FHIT: variants seen among roughly 807,000 people sequenced by gnomAD.
The protein encoded by FHIT is bis(5'-adenosyl)-triphosphatase.
Under a neutral mutation model 17.9 loss-of-function variants are expected in FHIT, and 19 were observed. That is an observed-to-expected ratio of 1.06 (90% CI 0.74 to 1.56). The LOEUF (loss-of-function observed/expected upper bound fraction) is 1.56. Ranked by LOEUF, FHIT falls within the 40% of genes most tolerant of loss-of-function variation. FHIT has a pLI of 0.00. For missense variants in FHIT, 248 were observed against 189.2 expected (o/e 1.31, Z -1.82); for synonymous variants, 81 against 69.7 (o/e 1.16, Z -0.81).
At chr3:59,774,516 T>C (rs549972483) in intron 8 of FHIT, among the ~76,000 whole-genome samples, 2 of 152,230 alleles carry the variant, frequency 1.3e-5, no homozygotes, top group Non-Finnish European at 2.9e-5. Context: ...ACAGAGTTGT[T>C]ATGAAGATTA....
At chr3:61,212,715 T>C (rs891642438) in intron 1 of FHIT, among the ~76,000 whole-genome samples, 2 of 151,990 alleles carry the variant, frequency 1.3e-5, no homozygotes, top group African/African-American at 4.8e-5. Context: ...TTCACCAAAG[T>C]TGAAATGAAG....
intron 3 of FHIT, among the ~76,000 whole-genome samples, chr3:60,917,906 GA>G (rs1553767417): frequency 6.6e-6 from 1 of 152,154 alleles, no homozygotes; most frequent in African/African-American, 2.4e-5. Context: ...CAACCAGACA[GA>G]AAAACATACT....
At chr3:60,458,658 T>C (rs1392521028) in intron 5 of FHIT, among the ~76,000 whole-genome samples, 2 of 152,138 alleles carry the variant, frequency 1.3e-5, no homozygotes, top group African/African-American at 4.8e-5. Context: ...CTTTAGGTTT[T>C]TATGCCCATC....
In FHIT at chr3:60,433,853, C is replaced by T. The variant is rs566774899; in HGVS notation, c.103+103007G>A. Among the ~76,000 whole-genome samples the T allele has an allele frequency of 7.4e-4, 112 of 151,888 alleles. No individual in the cohort carries two copies. The Middle Eastern group carries it at 0.014, about 18-fold the overall frequency. On this transcript the variant is annotated intron_variant, in intron 5 of 9. Transcript: ENST00000492590. ...ATCAGATGTATGGTTCATTTTTTCT[C>T]CTATTCCATAGGTGGCTTTTCCACT... is the stretch of plus-strand genomic sequence containing the variant.
intron 8 of FHIT, among the ~76,000 whole-genome samples, chr3:59,852,579 C>T (rs966118274): frequency 1.3e-5 from 2 of 152,114 alleles, no homozygotes; most frequent in Non-Finnish European, 2.9e-5. Flanking sequence ...GTTGTACATT[C>T]TATGGGTTTG....
At chr3:59,784,060 T>G (rs999850503) in intron 8 of FHIT, among the ~76,000 whole-genome samples, 1 of 152,176 alleles carries the variant, frequency 6.6e-6, no homozygotes, top group African/African-American at 2.4e-5. Context: ...GTGCAACGCT[T>G]CAGGATTCTT....
intron 1 of FHIT, among the ~76,000 whole-genome samples, chr3:61,212,540 AGT>A (rs2039517279): frequency 6.6e-6 from 1 of 152,258 alleles, no homozygotes; most frequent in African/African-American, 2.4e-5. Flanking sequence ...TGTACCTGAA[AGT>A]GATGGGGAGA....
intron 5 of FHIT, among the ~76,000 whole-genome samples, chr3:60,304,684 T>C (rs1365688948): frequency 6.6e-6 from 1 of 152,110 alleles, no homozygotes; most frequent in Non-Finnish European, 1.5e-5. Flanking sequence ...GACATACTTA[T>C]TCTAAACTGT....
chr3:60,859,174 G>A (rs1393092796), intron 3 of FHIT, among the ~76,000 whole-genome samples: 2 of 152,056 alleles, frequency 1.3e-5, no homozygotes, highest in East Asian at 1.9e-4. Context: ...TAGGAGTATC[G>A]AATAGTGGTT....
chr3:60,657,596 A>G (rs1186039016), intron 4 of FHIT, among the ~76,000 whole-genome samples: 1 of 152,172 alleles, frequency 6.6e-6, no homozygotes, highest in African/African-American at 2.4e-5. Context: ...AAGTACTGCT[A>G]TTGACCAAGA....
intron 4 of FHIT, among the ~76,000 whole-genome samples, chr3:60,633,950 G>C (rs918277237): frequency 6.6e-6 from 1 of 152,202 alleles, no homozygotes; most frequent in Non-Finnish European, 1.5e-5. Flanking sequence ...CATAGCATAT[G>C]ATTTCTTCAT....
At chr3:60,095,677 G>C (rs570819273) in intron 5 of FHIT, among the ~76,000 whole-genome samples, 1 of 152,176 alleles carries the variant, frequency 6.6e-6, no homozygotes, top group African/African-American at 2.4e-5. Context: ...TGTTTTTCTA[G>C]ATAATCGGCC....
At chr3:61,067,585 A>T (rs2034655784) in intron 2 of FHIT, among the ~76,000 whole-genome samples, 1 of 152,178 alleles carries the variant, frequency 6.6e-6, no homozygotes, top group Non-Finnish European at 1.5e-5. Flanking sequence ...CCCAGTCTCC[A>T]GTCCCCCCAG....
intron 4 of FHIT, among the ~76,000 whole-genome samples, chr3:60,744,269 A>AAAAAAAAAAAC (rs2042306569): frequency 4.4e-4 from 7 of 16,044 alleles, no homozygotes; most frequent in African/African-American, 7.1e-4. Flanking sequence ...AAAACAAAAC[A>AAAAAAAAAAAC]AAAAAAAAAA....
chr3:60,744,093 A>C lies in FHIT; in HGVS notation c.-18+77826T>G, dbSNP rs376074876. Among the ~76,000 whole-genome samples, 97 of 152,162 alleles carry C rather than the reference A, an allele frequency of 6.4e-4. 1 individual carries two copies. The highest frequency in any genetic ancestry group is 2.3e-3 in the African/African-American group (95 of 41,528). On this transcript the variant is annotated intron_variant, in intron 4 of 9. Transcript: ENST00000492590. ...CCTTAAACCAAATCTGCCTAGAGAC[A>C]CAGAGCGATGCTCTGACCTGAGACC... is the stretch of plus-strand genomic sequence containing the variant.
intron 4 of FHIT, among the ~76,000 whole-genome samples, chr3:60,719,991 A>G (rs1430604064): frequency 6.6e-6 from 1 of 152,178 alleles, no homozygotes; most frequent in Non-Finnish European, 1.5e-5. Flanking sequence ...TCTCCCAGGA[A>G]AAGCAAATGT....
intron 4 of FHIT, among the ~76,000 whole-genome samples, chr3:60,682,215 C>T (rs989433735): frequency 2.6e-4 from 40 of 152,218 alleles, no homozygotes; most frequent in African/African-American, 9.6e-4. Context: ...TCATTATTTG[C>T]CTGCCTCGGC....
intron 4 of FHIT, among the ~76,000 whole-genome samples, chr3:60,635,013 T>C (rs1205474267): frequency 1.3e-5 from 2 of 152,152 alleles, no homozygotes; most frequent in African/African-American, 4.8e-5. Context: ...CTAGAGCTAC[T>C]GCATGCCCCA....
chr3:60,065,674 G>T (rs755843674), intron 5 of FHIT, among the ~76,000 whole-genome samples: 17 of 152,080 alleles, frequency 1.1e-4, no homozygotes, highest in Non-Finnish European at 1.9e-4. Context: ...TTTTTATTTT[G>T]CACTGAATTA....
Sources: allele counts gnomAD v4.1 joint callset (sites outside exome capture counted in the v4.1 genomes callset), GRCh38; gene constraint gnomAD v4.1.1; transcripts MANE v1.5; gene names NCBI Gene and HGNC (gene_info 2026-07-23, HGNC 2026-07-21).